The following BLK variants were observed in gnomAD, a reference collection of about 807,000 sequenced individuals.
BLK encodes BLK proto-oncogene, Src family tyrosine kinase, also known as tyrosine-protein kinase Blk.
A neutral mutation model predicts 61.8 loss-of-function variants in BLK; 64 were observed. That is an observed-to-expected ratio of 1.03 (90% confidence interval 0.85 to 1.27). The LOEUF is 1.27. Ranked by LOEUF, BLK falls within the 50% of genes most tolerant of loss-of-function variation. The pLI is 0.00. For synonymous variants in BLK, 351 were observed against 272.0 expected (o/e 1.29, Z -2.86); for missense variants, 853 against 660.5 (o/e 1.29, Z -3.19).
At chr8:11,537,383 C>G (rs1324440811) in intron 1 of BLK, among the ~76,000 whole-genome samples, 1 of 152,164 alleles carries the variant, frequency 6.6e-6, no homozygotes, top group Non-Finnish European at 1.5e-5. Flanking sequence ...CCAGTAGGTA[C>G]CCCTGTTCTA....
At chr8:11,546,231 G>A in intron 3 of BLK, 128 bp downstream of exon 3, 1 of 1,133,812 alleles carries the variant, frequency 8.8e-7, no homozygotes, top group Non-Finnish European at 1.3e-6. Context: ...GGGAAGCTGA[G>A]AGAGGCCCCG....
intron 1 of BLK, among the ~76,000 whole-genome samples, chr8:11,497,370 C>T (rs540268371): frequency 6.6e-6 from 1 of 152,278 alleles, no homozygotes; most frequent in East Asian, 1.9e-4. Flanking sequence ...AATCCCTTCC[C>T]CACCTTCCCA....
intron 1 of BLK, among the ~76,000 whole-genome samples, chr8:11,525,759 C>T (rs1799629412): frequency 1.3e-5 from 2 of 152,046 alleles, no homozygotes; most frequent in Admixed American, 1.3e-4. Flanking sequence ...TTTGTTTTTT[C>T]TCTGAGACAG....
intron 1 of BLK, among the ~76,000 whole-genome samples, chr8:11,502,778 G>A (rs748335012): frequency 2.0e-5 from 3 of 152,146 alleles, no homozygotes; most frequent in Admixed American, 6.5e-5. Context: ...GGGGACAAGT[G>A]GAGAATAACT....
intron 3 of BLK, among the ~76,000 whole-genome samples, chr8:11,546,504 C>A (rs1051884963): frequency 3.3e-5 from 5 of 152,154 alleles, no homozygotes; most frequent in Non-Finnish European, 5.9e-5. Flanking sequence ...CTTCTTGTTT[C>A]CCGCTCCCAG....
chr8:11,521,060 G>C (rs1315327189), intron 1 of BLK, among the ~76,000 whole-genome samples: 2 of 152,112 alleles, frequency 1.3e-5, no homozygotes, highest in African/African-American at 4.8e-5. Context: ...TTAAACTGGA[G>C]TAATTAATTT....
At chr8:11,509,999 G>C (rs1283510671) in intron 1 of BLK, 1 of 151,824 alleles carries the variant, frequency 6.6e-6, no homozygotes, top group South Asian at 2.1e-4. Flanking sequence ...ATCATTTTTG[G>C]GCCTGCATAA....
In BLK at chr8:11,536,089, G is replaced by T. The variant is rs117291495; in HGVS notation, c.-1-7135G>T. 6.2e-3 allele frequency among the ~76,000 whole-genome samples: 946 copies of T among 152,328 alleles called. 3 individuals are homozygous for T. The highest frequency in any genetic ancestry group is 0.014 in the Middle Eastern group (4 of 294). On this transcript the variant is annotated intron_variant, in intron 1 of 12. Transcript: ENST00000259089. ...AAGTCAATTGTTAAAATGTGATTAT[G>T]AATTGGGTTCAATGGCTGGATGGTT...
Position 11,538,108 on chromosome 8 carries a change from G to A in BLK, c.-1-5116G>A, listed in dbSNP as rs553839649. ...CACATATATACACACACATATTCAA[G>A]CACATACACACATGTGTATTCACAC... On this transcript the variant is annotated intron_variant, in intron 1 of 12. Coordinates refer to ENST00000259089, the MANE Select transcript of BLK (RefSeq NM_001715.3). Among the ~76,000 whole-genome samples, 94 of 152,080 alleles carry A rather than the reference G, an allele frequency of 6.2e-4. 1 individual carries two copies. The South Asian group carries it at 0.016, about 26-fold the overall frequency.
At position 11,535,209 on chromosome 8, in the gene BLK, A is replaced by AAGAG. The variant is rs1455374471; in HGVS notation, c.-1-8012_-1-8011insGAGA. 4.9e-5 allele frequency among the ~76,000 whole-genome samples: 6 copies of AAGAG among 122,988 alleles called. 1 individual carries two copies. Among genetic ancestry groups the AAGAG allele is most frequent in the African/African-American group, 1.7e-4 (6 of 34,692 alleles). The allele number at this position is 122,988 out of a possible 152,430, so 80.7% of individuals were successfully genotyped here. On this transcript the variant is annotated intron_variant, in intron 1 of 12. Transcript: ENST00000259089. The stretch of plus-strand genomic sequence containing the variant: ...AAAGAAAGAAAGAAGGAAAGAAAGA[A>AAGAG]AGAAAGAGAGAGAAAGAAAGAAAAA...
chr8:11,528,430 G>A (rs1013988856), intron 1 of BLK, among the ~76,000 whole-genome samples: 1 of 152,260 alleles, frequency 6.6e-6, no homozygotes, highest in African/African-American at 2.4e-5. Flanking sequence ...TTGGAGGTCA[G>A]AAGCAAGATG....
chr8:11,509,991 C>T (rs1251961050), intron 1 of BLK: 2 of 152,148 alleles, frequency 1.3e-5, no homozygotes, highest in African/African-American at 4.8e-5. Context: ...TCAAAATGAT[C>T]ATTTTTGGGC....
At chr8:11,514,032 A>G (rs578100305) in intron 1 of BLK, among the ~76,000 whole-genome samples, 2 of 152,356 alleles carry the variant, frequency 1.3e-5, no homozygotes, top group South Asian at 4.1e-4. Flanking sequence ...TGAACCCAAT[A>G]AAACTCGTAA....
Position 11,564,087 on chromosome 8 carries a change from G to A in BLK, c.1497G>A (p.Arg499=). 2 of 1,584,828 alleles carry A rather than the reference G, an allele frequency of 1.3e-6. No individual in the cohort carries two copies. The highest frequency in any genetic ancestry group is 1.7e-5 in the Admixed American group (1 of 57,510). ...AGGACTTCTACACGGCCACCGAGCG[G>A]CAGTACGAGCTGCAGCCCTAGCCGG... The part of the protein sequence containing the change: ...VLEDFYTATE[R]QYELQP Residue 499 remains arginine, a synonymous_variant, in exon 13 of 13, where the codon CGG becomes CGA. Transcript: ENST00000259089.
chr8:11,513,059 T>G (rs960179031), intron 1 of BLK, among the ~76,000 whole-genome samples: 5 of 152,240 alleles, frequency 3.3e-5, no homozygotes, highest in African/African-American at 1.2e-4. Flanking sequence ...CAAGAGTCTC[T>G]TGAAGTTCTT....
intron 1 of BLK, among the ~76,000 whole-genome samples, chr8:11,536,338 T>C (rs868683702): frequency 2.0e-5 from 3 of 152,210 alleles, no homozygotes; most frequent in Admixed American, 6.5e-5. Context: ...ATTTTAAAGA[T>C]AATTATTGAA....
chr8:11,564,329 A>C lies in BLK; in HGVS notation c.*221A>C, dbSNP rs1349245087. ...GGCCTCTCTGTGCCGCTTCATTTGT[A>C]GAGGGCTGTAACAGTGACCTCGCAC... On this transcript the variant is annotated 3_prime_UTR_variant, in exon 13 of 13. Coordinates refer to ENST00000259089, the MANE Select transcript of BLK (RefSeq NM_001715.3). 1 of 707,264 alleles carries C rather than the reference A, an allele frequency of 1.4e-6. No homozygotes were observed. Among genetic ancestry groups the C allele is most frequent in the Non-Finnish European group, 2.6e-6 (1 of 391,044 alleles). The allele number at this position is 707,264 out of a possible 1,614,324, so 43.8% of individuals were successfully genotyped here.
rs1221627577 is a variant in BLK, at chr8:11,501,035, C to T, written c.-2+6444C>T. 2.6e-5 allele frequency among the ~76,000 whole-genome samples: 4 copies of T among 151,776 alleles called. 1 individual carries two copies. In the South Asian group the frequency reaches 6.3e-4, roughly 24 times the overall value. ...ACCAGCCTGGCCAACATGGTGAAACCCCATCTCTACCAAAAATACAAAAAT... is the reference window on the plus strand; with the variant it reads ...ACCAGCCTGGCCAACATGGTGAAACTCCATCTCTACCAAAAATACAAAAAT... On this transcript the variant is annotated intron_variant, in intron 1 of 12. Coordinates refer to ENST00000259089, the MANE Select transcript of BLK (RefSeq NM_001715.3).
intron 8 of BLK, 129 bp downstream of exon 8, chr8:11,555,613 G>T: frequency 7.1e-7 from 1 of 1,404,690 alleles, no homozygotes; most frequent in Non-Finnish European, 9.8e-7. Flanking sequence ...GAGGACAGAG[G>T]CGAGGACACT....
Sources: gnomAD v4.1 joint callset for allele counts (sites outside exome capture counted in the v4.1 genomes callset) on GRCh38, gnomAD v4.1.1 for gene constraint, MANE v1.5 for transcripts, NCBI Gene and HGNC (gene_info 2026-07-23, HGNC 2026-07-21) for gene names.